The following MAGI2 variants were observed in gnomAD, a reference collection of about 807,000 sequenced individuals.
The protein encoded by MAGI2 is membrane-associated guanylate kinase, WW and PDZ domain-containing protein 2.
Under a neutral mutation model 133.3 loss-of-function variants are expected in MAGI2, and 35 were observed. The ratio of observed to expected loss-of-function variants is 0.26; its 90% CI spans 0.20 to 0.35. MAGI2 has a LOEUF of 0.35. Ranked by LOEUF, MAGI2 falls within the 10% of genes least tolerant of loss-of-function variation. The pLI is 1.00. For synonymous variants in MAGI2, 729 were observed against 710.6 expected (o/e 1.03, Z -0.41); for missense variants, 1,636 against 1,863.4 (o/e 0.88, Z 2.25).
At chr7:79,200,932 G>C (rs1278451231) in intron 1 of MAGI2, among the ~76,000 whole-genome samples, 1 of 151,922 alleles carries the variant, frequency 6.6e-6, no homozygotes, top group Non-Finnish European at 1.5e-5. Flanking sequence ...GCTGCCATAG[G>C]GTTCCTTTGC....
intron 1 of MAGI2, among the ~76,000 whole-genome samples, chr7:79,159,850 ATAAAGTATC>A (rs944340325): frequency 1.3e-5 from 2 of 152,084 alleles, no homozygotes; most frequent in African/African-American, 4.8e-5. Context: ...AAACAGGCAA[ATAAAGTATC>A]TTTTGGACAT....
chr7:78,353,387 G>A (rs532161862), intron 7 of MAGI2, among the ~76,000 whole-genome samples: 1 of 152,298 alleles, frequency 6.6e-6, no homozygotes, highest in Admixed American at 6.5e-5. Context: ...TCCCTCAGGA[G>A]GCTCATGCTC....
chr7:78,963,551 C>T (rs1420787643), intron 2 of MAGI2, among the ~76,000 whole-genome samples: 2 of 151,932 alleles, frequency 1.3e-5, no homozygotes, highest in African/African-American at 4.8e-5. Context: ...CAAGTTCTAA[C>T]AACATGTAAA....
intron 1 of MAGI2, among the ~76,000 whole-genome samples, chr7:79,145,893 G>C (rs1822571795): frequency 6.6e-6 from 1 of 152,196 alleles, no homozygotes; most frequent in African/African-American, 2.4e-5. Context: ...TGCTCATGCA[G>C]AGCCCTGCTT....
chr7:78,771,675 T>C (rs1825602459), intron 2 of MAGI2, among the ~76,000 whole-genome samples: 1 of 152,240 alleles, frequency 6.6e-6, no homozygotes, highest in Non-Finnish European at 1.5e-5. Context: ...TCAGTCATTT[T>C]ACTACTTACA....
chr7:78,047,821 C>A (rs1051450422), intron 21 of MAGI2, among the ~76,000 whole-genome samples: 3 of 152,246 alleles, frequency 2.0e-5, no homozygotes, highest in African/African-American at 7.2e-5. Context: ...CACTCCTTTC[C>A]ATGCTTCAGC....
intron 2 of MAGI2, among the ~76,000 whole-genome samples, chr7:78,980,706 T>C (rs890182385): frequency 2.0e-5 from 3 of 151,968 alleles, no homozygotes; most frequent in African/African-American, 7.2e-5. Flanking sequence ...TCATTTCTTG[T>C]ATCCTCACAT....
intron 3 of MAGI2, chr7:78,567,885 A>G (rs1416661024): frequency 2.0e-5 from 3 of 152,152 alleles, no homozygotes; most frequent in Non-Finnish European, 2.9e-5. Context: ...TCTTTAGATC[A>G]TTTTCAAAAC....
At chr7:78,668,387 C>G (rs911408057) in intron 2 of MAGI2, among the ~76,000 whole-genome samples, 20 of 150,976 alleles carry the variant, frequency 1.3e-4, no homozygotes, top group East Asian at 7.8e-4. Flanking sequence ...TGCAGAAGCT[C>G]TTTAGTTTAA....
At chr7:79,201,888 T>C (rs1238936728) in intron 1 of MAGI2, among the ~76,000 whole-genome samples, 1 of 152,052 alleles carries the variant, frequency 6.6e-6, no homozygotes, top group Non-Finnish European at 1.5e-5. Context: ...GTTAATGCTT[T>C]TATTATCTAA....
At chr7:78,112,694 T>C (rs1239480876) in intron 20 of MAGI2, among the ~76,000 whole-genome samples, 1 of 152,180 alleles carries the variant, frequency 6.6e-6, no homozygotes, top group East Asian at 1.9e-4. Flanking sequence ...CATTCAGCAG[T>C]CAATATTTAC....
intron 5 of MAGI2, among the ~76,000 whole-genome samples, chr7:78,496,583 A>C (rs1003255597): frequency 6.6e-6 from 1 of 152,214 alleles, no homozygotes; most frequent in African/African-American, 2.4e-5. Flanking sequence ...ATAAAAGTTT[A>C]CTTTTTTTCT....
At chr7:78,428,723 T>C (rs1000341136) in intron 6 of MAGI2, among the ~76,000 whole-genome samples, 3 of 152,170 alleles carry the variant, frequency 2.0e-5, no homozygotes, top group Non-Finnish European at 4.4e-5. Flanking sequence ...CCATTGGAAT[T>C]ACCTCTGGTT....
chr7:79,312,909 G>A (rs553468944), intron 1 of MAGI2, among the ~76,000 whole-genome samples: 17 of 152,094 alleles, frequency 1.1e-4, no homozygotes, highest in Admixed American at 3.9e-4. Context: ...TCCACCCACC[G>A]CCTTCTTCCC....
At chr7:78,063,680 C>G (rs901192961) in intron 21 of MAGI2, among the ~76,000 whole-genome samples, 19 of 152,102 alleles carry the variant, frequency 1.2e-4, no homozygotes, top group Admixed American at 1.2e-3. Flanking sequence ...ACAGGCTTAT[C>G]TTTTTTCCAC....
At chr7:78,301,813 G>A (rs550006440) in intron 9 of MAGI2, among the ~76,000 whole-genome samples, 1 of 152,264 alleles carries the variant, frequency 6.6e-6, no homozygotes, top group South Asian at 2.1e-4. Context: ...CTTAAGATCA[G>A]GGGTTCCAGA....
chr7:79,014,508 CCTAA>C (rs745443927), intron 1 of MAGI2, among the ~76,000 whole-genome samples: 1 of 151,994 alleles, frequency 6.6e-6, no homozygotes, highest in Non-Finnish European at 1.5e-5. Flanking sequence ...TCTTTAATTA[CCTAA>C]CTCTTACAAA....
chr7:78,261,001 C>T (rs1025866136), intron 9 of MAGI2, among the ~76,000 whole-genome samples: 25 of 144,354 alleles, frequency 1.7e-4, no homozygotes, highest in Admixed American at 1.3e-4. Flanking sequence ...TTTCCTCTAC[C>T]CCCGCATTCT....
chr7:78,590,482 G>A (rs1249208833), intron 3 of MAGI2, among the ~76,000 whole-genome samples: 2 of 152,298 alleles, frequency 1.3e-5, no homozygotes, highest in East Asian at 3.9e-4. Context: ...GGCATTTGCG[G>A]AATAGCAATG....
Sources: allele counts gnomAD v4.1 joint callset (sites outside exome capture counted in the v4.1 genomes callset), GRCh38; gene constraint gnomAD v4.1.1; transcripts MANE v1.5; gene names NCBI Gene and HGNC (gene_info 2026-07-23, HGNC 2026-07-21).